CERT1: variants seen among roughly 807,000 people sequenced by gnomAD.
CERT1 encodes the protein ceramide transporter 1, also known as ceramide transfer protein.
In CERT1, 31 loss-of-function variants were observed where a neutral mutation model predicts 87.9. The observed-to-expected ratio is 0.35, with a 90% CI of 0.27 to 0.48. The LOEUF (loss-of-function observed/expected upper bound fraction) is 0.48. CERT1 is among the 20% of genes least tolerant of loss of function. CERT1 has a pLI of 0.99. For missense variants in CERT1, 487 were observed against 758.0 expected (o/e 0.64, Z 4.20); for synonymous variants, 289 against 250.9 (o/e 1.15, Z -1.44).
At chr5:75,497,066 C>T (rs1208234618) in intron 2 of CERT1, among the ~76,000 whole-genome samples, 1 of 151,864 alleles carries the variant, frequency 6.6e-6, no homozygotes, top group Non-Finnish European at 1.5e-5. Flanking sequence ...ATCAAGAATA[C>T]ACAGAAAACA....
intron 8 of CERT1, among the ~76,000 whole-genome samples, chr5:75,403,664 T>C (rs77628049): frequency 0.024 from 3,612 of 152,308 alleles, 139 homozygotes; most frequent in African/African-American, 0.082. Context: ...CACAGGTAAT[T>C]GTTTCATGGG....
At chr5:75,478,232 T>G (rs1402149384) in intron 2 of CERT1, among the ~76,000 whole-genome samples, 1 of 151,960 alleles carries the variant, frequency 6.6e-6, no homozygotes, top group Non-Finnish European at 1.5e-5. Flanking sequence ...GAGAATTGCT[T>G]GAACCCTTAG....
downstream of CERT1, chr5:75,376,573 G>A (rs923442895): frequency 3.9e-5 from 6 of 152,252 alleles, no homozygotes; most frequent in East Asian, 1.9e-4. Context: ...ACTCAGAATC[G>A]ATAAGAAGTA....
At chr5:75,386,133 T>G in intron 12 of CERT1, 99 bp from the exon 13 acceptor site, 1 of 930,502 alleles carries the variant, frequency 1.1e-6, no homozygotes, top group Non-Finnish European at 1.5e-6. Flanking sequence ...TAGATTTTTA[T>G]GAAAGTCTAT....
chr5:75,420,219 C>A (rs1763312801), intron 5 of CERT1, among the ~76,000 whole-genome samples: 2 of 151,976 alleles, frequency 1.3e-5, no homozygotes, highest in African/African-American at 4.8e-5. Context: ...GCCTCATGAT[C>A]CGCCCACCTC....
intron 2 of CERT1, among the ~76,000 whole-genome samples, chr5:75,494,957 A>C (rs1326597341): frequency 6.6e-6 from 1 of 152,196 alleles, no homozygotes; most frequent in Non-Finnish European, 1.5e-5. Flanking sequence ...ACAGGAGACA[A>C]CCTTACTTTA....
chr5:75,503,201 G>T (rs866986635), intron 2 of CERT1, among the ~76,000 whole-genome samples: 3 of 151,862 alleles, frequency 2.0e-5, no homozygotes, highest in Non-Finnish European at 4.4e-5. Flanking sequence ...CAGATGCTAG[G>T]TCCACCAACA....
chr5:75,463,265 G>A (rs1338252267), intron 2 of CERT1, among the ~76,000 whole-genome samples: 1 of 152,042 alleles, frequency 6.6e-6, no homozygotes, highest in Non-Finnish European at 1.5e-5. Flanking sequence ...CAAGGTTTTT[G>A]CATTACCAAA....
intron 7 of CERT1, among the ~76,000 whole-genome samples, chr5:75,411,736 T>C (rs1762941888): frequency 1.3e-5 from 2 of 152,184 alleles, no homozygotes; most frequent in African/African-American, 4.8e-5. Context: ...AATTAGCACC[T>C]GAAAAATACC....
intron 1 of CERT1, among the ~76,000 whole-genome samples, chr5:75,507,312 T>A (rs557214212): frequency 6.6e-6 from 1 of 152,190 alleles, no homozygotes; most frequent in South Asian, 2.1e-4. Flanking sequence ...GGTTTCGCTA[T>A]GGTGCCAAGG....
At chr5:75,457,909 CGTGT>C (rs34777423) in intron 3 of CERT1, among the ~76,000 whole-genome samples, 11,685 of 144,310 alleles carry the variant, frequency 0.081, 532 homozygotes, top group South Asian at 0.18. Context: ...TATAGGCGCG[CGTGT>C]GTGTGTGTGT....
At chr5:75,426,224 A>G (rs1400350612) in intron 4 of CERT1, 147 bp downstream of exon 4, 1 of 486,300 alleles carries the variant, frequency 2.1e-6, no homozygotes, top group Non-Finnish European at 3.7e-6. Flanking sequence ...ATTATTTTAT[A>G]CCTTAAAAAG....
intron 2 of CERT1, among the ~76,000 whole-genome samples, chr5:75,473,170 T>G (rs528894981): frequency 2.0e-4 from 31 of 152,270 alleles, no homozygotes; most frequent in Admixed American, 3.9e-4. Flanking sequence ...AACCTTGGAC[T>G]CTTGGGGTGA....
intron 4 of CERT1, among the ~76,000 whole-genome samples, chr5:75,426,027 G>A (rs554526241): frequency 2.0e-5 from 3 of 152,290 alleles, no homozygotes; most frequent in African/African-American, 7.2e-5. Flanking sequence ...TGTTCATAGA[G>A]ATGCAAATGA....
chr5:75,423,167 G>A (rs1241497242), intron 5 of CERT1, among the ~76,000 whole-genome samples: 1 of 152,076 alleles, frequency 6.6e-6, no homozygotes, highest in Non-Finnish European at 1.5e-5. Context: ...ACACAACCTG[G>A]TTATCACTGC....
intron 3 of CERT1, among the ~76,000 whole-genome samples, chr5:75,438,617 A>G (rs1580771907): frequency 1.3e-5 from 2 of 152,170 alleles, no homozygotes; most frequent in Non-Finnish European, 2.9e-5. Flanking sequence ...TCACCAATCC[A>G]TTATTTTGAA....
At chr5:75,468,946 T>C (rs1231894065) in intron 2 of CERT1, among the ~76,000 whole-genome samples, 2 of 152,032 alleles carry the variant, frequency 1.3e-5, no homozygotes, top group Admixed American at 1.3e-4. Flanking sequence ...ACAGACAAAA[T>C]AAACTTCCAA....
intron 2 of CERT1, among the ~76,000 whole-genome samples, chr5:75,464,452 G>A (rs1765373481): frequency 6.6e-6 from 1 of 152,200 alleles, no homozygotes; most frequent in Non-Finnish European, 1.5e-5. Flanking sequence ...TATGGGGGAT[G>A]CGGGTGAAGG....
chr5:75,505,932 T>A (rs755452806), intron 2 of CERT1, 50 bp downstream of exon 2: 2 of 1,456,034 alleles, frequency 1.4e-6, no homozygotes, highest in South Asian at 2.3e-5. Context: ...TCCTGGTATG[T>A]AGCTGACACT....
Sources: gnomAD v4.1 joint callset for allele counts (sites outside exome capture counted in the v4.1 genomes callset) on GRCh38, gnomAD v4.1.1 for gene constraint, MANE v1.5 for transcripts, NCBI Gene and HGNC (gene_info 2026-07-23, HGNC 2026-07-21) for gene names.